The following BEND7 variants were observed in gnomAD, a reference collection of about 807,000 sequenced individuals.
BEND7 encodes BEN domain containing 7, also known as BEN domain-containing protein 7.
Under a neutral mutation model 50.9 loss-of-function variants are expected in BEND7, and 28 were observed. The observed-to-expected ratio is 0.55, with a 90% CI of 0.41 to 0.75. The LOEUF (loss-of-function observed/expected upper bound fraction) is 0.75. BEND7 is among the 30% of genes least tolerant of loss of function. The pLI is 0.00. For missense variants in BEND7, 477 were observed against 491.3 expected (o/e 0.97, Z 0.28); for synonymous variants, 170 against 183.9 (o/e 0.92, Z 0.61).
At chr10:13,457,833 T>C (rs1375800626) in intron 6 of BEND7, among the ~76,000 whole-genome samples, 4 of 152,262 alleles carry the variant, frequency 2.6e-5, no homozygotes, top group East Asian at 1.9e-4. Context: ...ATTGCATTAA[T>C]GCACTGAGTT....
At chr10:13,483,062 C>T (rs1238641667) in intron 5 of BEND7, among the ~76,000 whole-genome samples, 1 of 151,992 alleles carries the variant, frequency 6.6e-6, no homozygotes, top group Non-Finnish European at 1.5e-5. Context: ...GCCATTAAAA[C>T]AAATCCAAGT....
chr10:13,515,910 CT>C (rs1413303367), intron 2 of BEND7, among the ~76,000 whole-genome samples: 2 of 151,924 alleles, frequency 1.3e-5, no homozygotes, highest in Admixed American at 1.3e-4. Flanking sequence ...AGACGGGGTG[CT>C]ATCAACAATG....
intron 2 of BEND7, among the ~76,000 whole-genome samples, chr10:13,516,690 A>T (rs1186154836): frequency 6.6e-6 from 1 of 152,102 alleles, no homozygotes; most frequent in East Asian, 1.9e-4. Context: ...GCGCCGCTGC[A>T]CTCCAGCTTG....
chr10:13,508,340 G>A (rs1050509347), intron 2 of BEND7, among the ~76,000 whole-genome samples: 1 of 152,102 alleles, frequency 6.6e-6, no homozygotes, highest in African/African-American at 2.4e-5. Context: ...TTTTTCCCAA[G>A]TGCAATCTAA....
rs536722933 is a variant in BEND7 at position 13,441,735 on chromosome 10, G to A, written c.*8C>T. The A allele has an allele frequency of 9.3e-6, 15 of 1,613,950 alleles. No homozygotes were observed. The African/African-American group carries it at 2.0e-4, about 22-fold the overall frequency. On this transcript the variant is annotated 3_prime_UTR_variant, in exon 9 of 9. Coordinates refer to ENST00000466271, the MANE Select transcript of BEND7 (RefSeq NM_001369863.1). ...AAAAACACAAGAGCTGTGGTTTGCA[G>A]TCCTTCATCAGACCACTTGAGAAAA... is the stretch of plus-strand genomic sequence containing the variant.
At chr10:13,495,793 G>C (rs1349559360) in intron 4 of BEND7, among the ~76,000 whole-genome samples, 2 of 152,104 alleles carry the variant, frequency 1.3e-5, no homozygotes, top group African/African-American at 4.8e-5. Flanking sequence ...AATTATACTA[G>C]AATTCACTAA....
intron 6 of BEND7, chr10:13,459,637 C>G (rs1226661527): frequency 6.6e-6 from 1 of 152,196 alleles, no homozygotes; most frequent in Non-Finnish European, 1.5e-5. Context: ...AGCATGCAGG[C>G]TCAGAAATCT....
At chr10:13,439,632 G>T (rs1300235329), downstream of BEND7, 7 of 837,534 alleles carry the variant, frequency 8.4e-6, no homozygotes, top group Non-Finnish European at 1.2e-5. Flanking sequence ...CAGAAACTTG[G>T]TGTCAGCTTT....
chr10:13,447,790 A>T (rs2130925262), intron 7 of BEND7, among the ~76,000 whole-genome samples: 1 of 151,948 alleles, frequency 6.6e-6, no homozygotes, highest in East Asian at 1.9e-4. Flanking sequence ...TGATATTAAA[A>T]CTTTTTAAAA....
intron 5 of BEND7, among the ~76,000 whole-genome samples, chr10:13,486,316 A>T (rs2076220400): frequency 6.6e-6 from 1 of 152,258 alleles, no homozygotes; most frequent in African/African-American, 2.4e-5. Flanking sequence ...GGCGGGAGCC[A>T]ACATGCTCAG....
At chr10:13,455,671 A>G (rs7077708) in intron 6 of BEND7, among the ~76,000 whole-genome samples, 47,108 of 151,650 alleles carry the variant, frequency 0.31, 8,491 homozygotes, top group East Asian at 0.67. Context: ...GGGGCTGATG[A>G]ATCTGGAATA....
At chr10:13,478,235 T>C (rs1052702678) in intron 6 of BEND7, among the ~76,000 whole-genome samples, 1 of 152,162 alleles carries the variant, frequency 6.6e-6, no homozygotes, top group Non-Finnish European at 1.5e-5. Flanking sequence ...TTCCCCCTGG[T>C]TCATGACACT....
chr10:13,461,607 C>T (rs1367244624), intron 6 of BEND7, among the ~76,000 whole-genome samples: 1 of 152,108 alleles, frequency 6.6e-6, no homozygotes, highest in Non-Finnish European at 1.5e-5. Flanking sequence ...GTGGTGCACA[C>T]CTGTAATCTC....
chr10:13,498,025 A>G (rs893897257), intron 3 of BEND7, among the ~76,000 whole-genome samples: 3 of 151,826 alleles, frequency 2.0e-5, no homozygotes, highest in African/African-American at 7.3e-5. Context: ...AATAATCCCA[A>G]TGAAATACCA....
At position 13,441,460 on chromosome 10, in the gene BEND7, T is replaced by TA; in HGVS notation, c.*282_*283insT. ...TCCGTTCATCGCACACATCTTTGGG[T>TA]TGAACAAGCTCCACCCGTCCTCAAG... On this transcript the variant is annotated 3_prime_UTR_variant, in exon 9 of 9. Transcript: ENST00000466271. 1 of 1,159,984 alleles carries TA rather than the reference T, an allele frequency of 8.6e-7. No homozygotes were observed. Among genetic ancestry groups the TA allele is most frequent in the South Asian group, 4.4e-5 (1 of 22,746 alleles). The allele number at this position is 1,159,984 out of a possible 1,614,324, so 71.9% of individuals were successfully genotyped here.
At chr10:13,481,761 G>T (rs1426016901) in intron 5 of BEND7, among the ~76,000 whole-genome samples, 1 of 152,196 alleles carries the variant, frequency 6.6e-6, no homozygotes, top group East Asian at 1.9e-4. Context: ...CCCTAATTTT[G>T]GAAGGAAAAT....
chr10:13,462,993 T>C (rs970354461), intron 6 of BEND7, among the ~76,000 whole-genome samples: 1 of 152,200 alleles, frequency 6.6e-6, no homozygotes, highest in African/African-American at 2.4e-5. Context: ...CAAATCATGA[T>C]GAAAAACCAT....
At chr10:13,515,417 C>A (rs1024481381) in intron 2 of BEND7, among the ~76,000 whole-genome samples, 37 of 152,120 alleles carry the variant, frequency 2.4e-4, no homozygotes, top group Admixed American at 2.3e-3. Context: ...ACATTGTAAA[C>A]CCCTTGGAAT....
intron 3 of BEND7, among the ~76,000 whole-genome samples, chr10:13,498,142 C>T (rs922260776): frequency 7.6e-6 from 1 of 132,100 alleles, no homozygotes; most frequent in African/African-American, 2.9e-5. Context: ...CTGGTATGAT[C>T]TTGGTTCACT....
Sources: gnomAD v4.1 joint callset for allele counts (sites outside exome capture counted in the v4.1 genomes callset) on GRCh38, gnomAD v4.1.1 for gene constraint, MANE v1.5 for transcripts, NCBI Gene and HGNC (gene_info 2026-07-23, HGNC 2026-07-21) for gene names.